The following CRACD variants were observed in gnomAD, a reference collection of about 807,000 sequenced individuals.
CRACD encodes the protein capping protein inhibiting regulator of actin dynamics.
A neutral mutation model predicts 106.8 loss-of-function variants in CRACD; 56 were observed. That is an observed-to-expected ratio of 0.52 (90% CI 0.42 to 0.66). The LOEUF is 0.66. Among genes scored for constraint, CRACD ranks in the 30% least tolerant of loss-of-function variants. The pLI is 0.00. For missense variants in CRACD, 1,730 were observed against 1,623.2 expected (o/e 1.07, Z -1.13); for synonymous variants, 754 against 670.8 (o/e 1.12, Z -1.92).
At chr4:56,074,012 T>A (rs1420632560) in intron 1 of CRACD, among the ~76,000 whole-genome samples, 1 of 152,168 alleles carries the variant, frequency 6.6e-6, no homozygotes, top group Non-Finnish European at 1.5e-5. Context: ...CAGGTGGTTG[T>A]AGATGTGTGT....
intron 2 of CRACD, among the ~76,000 whole-genome samples, chr4:56,255,887 G>C (rs937144648): frequency 3.3e-5 from 5 of 152,196 alleles, no homozygotes; most frequent in Non-Finnish European, 7.3e-5. Flanking sequence ...ATTTTGAATA[G>C]GGCCCAGGAC....
At chr4:56,092,946 T>C (rs1213314991) in intron 1 of CRACD, among the ~76,000 whole-genome samples, 2 of 152,170 alleles carry the variant, frequency 1.3e-5, no homozygotes, top group African/African-American at 4.8e-5. Flanking sequence ...ACTAGAAAAT[T>C]TAAAATTACA....
chr4:56,188,736 G>GA (rs746010336), intron 2 of CRACD, among the ~76,000 whole-genome samples: 1 of 122,772 alleles, frequency 8.1e-6, no homozygotes, highest in Non-Finnish European at 1.7e-5. Context: ...AGAGAGAGAG[G>GA]GGTTAACATT....
chr4:56,071,401 A>G (rs1207256545), intron 1 of CRACD, among the ~76,000 whole-genome samples: 2 of 152,126 alleles, frequency 1.3e-5, no homozygotes, highest in Non-Finnish European at 2.9e-5. Flanking sequence ...CTATCTGTCT[A>G]AAATTGTATC....
chr4:56,262,625 T>C (rs74718188), intron 2 of CRACD, among the ~76,000 whole-genome samples: 5,064 of 152,286 alleles, frequency 0.033, 117 homozygotes, highest in South Asian at 0.1. Context: ...GATTGGACAC[T>C]CCTGACCTAC....
At chr4:56,220,010 A>G (rs1738942504) in intron 2 of CRACD, among the ~76,000 whole-genome samples, 1 of 152,232 alleles carries the variant, frequency 6.6e-6, no homozygotes, top group Non-Finnish European at 1.5e-5. Flanking sequence ...AAAGAAATAC[A>G]AGAAAGGAAA....
intron 2 of CRACD, among the ~76,000 whole-genome samples, chr4:56,264,106 C>T (rs896762673): frequency 2.6e-5 from 4 of 151,818 alleles, no homozygotes; most frequent in African/African-American, 9.7e-5. Context: ...AGAGAGAGAG[C>T]GAAGGGGAAA....
chr4:56,307,618 C>T lies in CRACD; in HGVS notation c.204C>T (p.Ser68=), dbSNP rs908143018. The change falls in exon 5 of 11, where the codon AGC becomes AGT. Residue 68 remains serine (S), a synonymous_variant. Coordinates refer to ENST00000682029, the MANE Select transcript of CRACD (RefSeq NM_001393381.1). ...ATAAGGCAAACAGTGGAGAGGCTAGCTTAGAAGAGGATCTGTTCCTGACCA... is the reference window on the plus strand; with the variant it reads ...ATAAGGCAAACAGTGGAGAGGCTAGTTTAGAAGAGGATCTGTTCCTGACCA... The part of the protein sequence containing the change: ...PMNKANSGEA[S]LEEDLFLTSP... 3 of 1,614,154 alleles carry T rather than the reference C, an allele frequency of 1.9e-6. No individual in the cohort carries two copies. The highest frequency in any genetic ancestry group is 2.5e-6 in the Non-Finnish European group (3 of 1,180,018).
chr4:56,264,851 G>A (rs190524328), intron 2 of CRACD, among the ~76,000 whole-genome samples: 2 of 152,312 alleles, frequency 1.3e-5, no homozygotes, highest in Admixed American at 6.5e-5. Context: ...CACAATTTAT[G>A]TTCTTCTACA....
At chr4:56,232,014 G>A (rs899032924) in intron 2 of CRACD, among the ~76,000 whole-genome samples, 5 of 152,190 alleles carry the variant, frequency 3.3e-5, no homozygotes, top group African/African-American at 7.2e-5. Flanking sequence ...GTTTATTGCA[G>A]TTATAATAAG....
At chr4:56,162,851 T>C (rs1465728466) in intron 1 of CRACD, among the ~76,000 whole-genome samples, 1 of 152,212 alleles carries the variant, frequency 6.6e-6, no homozygotes, top group Non-Finnish European at 1.5e-5. Flanking sequence ...TGCTCTGCCT[T>C]AGGGATTGGC....
rs562027985 is a variant in CRACD, at chr4:56,175,525, G to A, written c.-335-3759G>A. ...TTTTAAAATTTTTTAAATTTTTGTG[G>A]GTATGTAGTTATGAATTACATGAGA... is the stretch of plus-strand genomic sequence containing the variant. On this transcript the variant is annotated intron_variant, in intron 1 of 10. Coordinates refer to ENST00000682029, the MANE Select transcript of CRACD (RefSeq NM_001393381.1). Among the ~76,000 whole-genome samples the A allele has an allele frequency of 3.3e-5, 5 of 151,740 alleles. No homozygotes were observed. In the South Asian group the frequency reaches 1.0e-3, roughly 32 times the overall value.
rs564943711 is a variant in CRACD at position 56,228,242 on chromosome 4, A to G, written c.-188-44079A>G. 1.4e-3 allele frequency among the ~76,000 whole-genome samples: 219 copies of G among 152,312 alleles called. 1 individual carries two copies. The highest frequency in any genetic ancestry group is 4.4e-3 in the African/African-American group (184 of 41,554). On this transcript the variant is annotated intron_variant, in intron 2 of 10. Transcript: ENST00000682029. Reference sequence around the variant, plus strand: ...CTGTGTACTTAATCTGTACTGGACAATGGTGTATGTGCATGGATAAAAGTA... The same window carrying G: ...CTGTGTACTTAATCTGTACTGGACAGTGGTGTATGTGCATGGATAAAAGTA...
chr4:56,218,488 T>A (rs370735393), intron 2 of CRACD, among the ~76,000 whole-genome samples: 2 of 109,514 alleles, frequency 1.8e-5, no homozygotes, highest in Admixed American at 1.1e-4. Flanking sequence ...CTCCCTTTCC[T>A]TCCCCTCCCT....
At chr4:56,260,718 C>T (rs1326864797) in intron 2 of CRACD, among the ~76,000 whole-genome samples, 1 of 152,084 alleles carries the variant, frequency 6.6e-6, no homozygotes, top group Non-Finnish European at 1.5e-5. Context: ...GAATACATTC[C>T]GCCTTTGGAC....
chr4:56,260,714 A>C (rs1452894678), intron 2 of CRACD, among the ~76,000 whole-genome samples: 1 of 152,192 alleles, frequency 6.6e-6, no homozygotes, highest in Non-Finnish European at 1.5e-5. Flanking sequence ...GAGAGAATAC[A>C]TTCCGCCTTT....
intron 2 of CRACD, among the ~76,000 whole-genome samples, chr4:56,249,185 C>T (rs1363620437): frequency 6.7e-6 from 1 of 149,684 alleles, no homozygotes; most frequent in Non-Finnish European, 1.5e-5. Context: ...GTTTACAGTC[C>T]CACCAACAGT....
rs1560536359 is a variant in CRACD at position 56,315,079 on chromosome 4, AG to A, written c.1579del (p.Val527TrpfsTer29). 3 of 1,610,842 alleles carry A rather than the reference AG, an allele frequency of 1.9e-6. No individual in the cohort carries two copies. Among genetic ancestry groups the A allele is most frequent in the Non-Finnish European group, 2.5e-6 (3 of 1,179,146 alleles). ...GRKVEELRWQ[E>X]VDERQTMPRP... ...AAGGTGGAGGAGCTGCGGTGGCAGGAGGTGGACGAGAGACAGACCATGCCCC... is the reference window on the plus strand; with the variant it reads ...AAGGTGGAGGAGCTGCGGTGGCAGGAGTGGACGAGAGACAGACCATGCCCC... On this transcript the variant is annotated frameshift_variant, in exon 8 of 11. Coordinates refer to ENST00000682029, the MANE Select transcript of CRACD (RefSeq NM_001393381.1). LOFTEE classifies it high-confidence loss of function. This position sits in a 1 kb window ranked among gnomAD's most constrained non-coding sequence, Gnocchi z 4.1.
chr4:56,087,319 G>A (rs1410129861), intron 1 of CRACD, among the ~76,000 whole-genome samples: 1 of 152,124 alleles, frequency 6.6e-6, no homozygotes, highest in Non-Finnish European at 1.5e-5. Flanking sequence ...AGCCCTAAAG[G>A]AGTACTAGTG....
Sources: allele counts gnomAD v4.1 joint callset (sites outside exome capture counted in the v4.1 genomes callset), GRCh38; gene constraint gnomAD v4.1.1; non-coding constraint Gnocchi (gnomAD v3.1); transcripts MANE v1.5; gene names NCBI Gene and HGNC (gene_info 2026-07-23, HGNC 2026-07-21).